NUBPL: variants seen among roughly 807,000 people sequenced by gnomAD.
The protein encoded by NUBPL is NUBP iron-sulfur cluster assembly factor, mitochondrial, also known as iron-sulfur cluster transfer protein NUBPL.
A neutral mutation model predicts 45.7 loss-of-function variants in NUBPL; 31 were observed. The observed-to-expected ratio is 0.68, with a 90% CI of 0.51 to 0.92. The LOEUF is 0.92. Ranked by LOEUF, NUBPL falls within the 40% of genes least tolerant of loss-of-function variation. The pLI, the probability that NUBPL is intolerant of heterozygous loss-of-function variation, is 0.00. For synonymous variants in NUBPL, 144 were observed against 140.9 expected (o/e 1.02, Z -0.15); for missense variants, 401 against 398.7 (o/e 1.01, Z -0.05).
chr14:31,801,845 C>G (rs968386784), intron 7 of NUBPL, among the ~76,000 whole-genome samples: 8 of 152,154 alleles, frequency 5.3e-5, no homozygotes, highest in Admixed American at 3.9e-4. Flanking sequence ...CAGGACACAG[C>G]TAGACAGTCC....
chr14:31,597,621 AT>A (rs2034318823), intron 3 of NUBPL, among the ~76,000 whole-genome samples: 1 of 152,190 alleles, frequency 6.6e-6, no homozygotes. Flanking sequence ...TAGAAGATCA[AT>A]TTGAAACTTA....
Position 31,691,590 on chromosome 14 carries a change from G to A in NUBPL, c.513+18016G>A, listed in dbSNP as rs182414492. On this transcript the variant is annotated intron_variant, in intron 6 of 10. Transcript: ENST00000281081. The stretch of plus-strand genomic sequence containing the variant: ...AGGAAGGTGGGTAATAGTCAGGTTG[G>A]GAGAAGGCAGACATAATGATGCAGT... 1.1e-3 allele frequency among the ~76,000 whole-genome samples: 166 copies of A among 152,286 alleles called. No individual in the cohort carries two copies. In the Middle Eastern group the frequency reaches 0.014, roughly 12 times the overall value.
Position 31,795,286 on chromosome 14 carries a change from G to T in NUBPL, c.607+7413G>T, listed in dbSNP as rs1285777464. 6.2e-5 allele frequency among the ~76,000 whole-genome samples: 9 copies of T among 145,974 alleles called. No individual in the cohort carries two copies. The South Asian group carries it at 1.3e-3, about 22-fold the overall frequency. On this transcript the variant is annotated intron_variant, in intron 7 of 10. Coordinates refer to ENST00000281081, the MANE Select transcript of NUBPL (RefSeq NM_025152.3). ...CTGTGAAGAAAGTCATTGGTAGCTT[G>T]ATGGGGATGGCATTGAATCTGTAAA...
rs3825743 is a variant in NUBPL, at chr14:31,858,666, G to A, written c.898-452G>A. Reference sequence around the variant, plus strand: ...GGTGCTGGTATTACACACCATTCTCGGGGAGATGAAGAAAATGCTTTCCTA... The same window carrying A: ...GGTGCTGGTATTACACACCATTCTCAGGGAGATGAAGAAAATGCTTTCCTA... On this transcript the variant is annotated intron_variant, in intron 10 of 10. Transcript: ENST00000281081. 2.3e-4 allele frequency among the ~76,000 whole-genome samples: 35 copies of A among 152,172 alleles called. No homozygotes were observed. In the East Asian group the frequency reaches 3.3e-3, roughly 14 times the overall value.
intron 6 of NUBPL, among the ~76,000 whole-genome samples, chr14:31,778,372 G>C (rs2039133532): frequency 6.6e-6 from 1 of 152,174 alleles, no homozygotes; most frequent in African/African-American, 2.4e-5. Flanking sequence ...GATGAATTCA[G>C]AACTCCAGAG....
At chr14:31,745,648 T>A (rs1425689218) in intron 6 of NUBPL, among the ~76,000 whole-genome samples, 1 of 151,984 alleles carries the variant, frequency 6.6e-6, no homozygotes, top group Non-Finnish European at 1.5e-5. Flanking sequence ...CCTGTTACTT[T>A]ACTGAGTTTG....
chr14:31,693,067 A>C (rs1403093905), intron 6 of NUBPL, among the ~76,000 whole-genome samples: 1 of 152,228 alleles, frequency 6.6e-6, no homozygotes, highest in Non-Finnish European at 1.5e-5. Context: ...AGTCAGTATA[A>C]GGAAAACATA....
intron 6 of NUBPL, among the ~76,000 whole-genome samples, chr14:31,768,610 C>A (rs1377689596): frequency 6.6e-6 from 1 of 152,166 alleles, no homozygotes; most frequent in African/African-American, 2.4e-5. Context: ...CAGGTGGAAG[C>A]AAAGGCATTT....
intron 6 of NUBPL, among the ~76,000 whole-genome samples, chr14:31,763,789 G>A (rs1183430595): frequency 6.6e-6 from 1 of 152,082 alleles, no homozygotes; most frequent in Non-Finnish European, 1.5e-5. Context: ...TTTTGCAAAA[G>A]TGTGCATTCG....
At chr14:31,592,631 A>G (rs952839121) in intron 3 of NUBPL, among the ~76,000 whole-genome samples, 1 of 152,210 alleles carries the variant, frequency 6.6e-6, no homozygotes, top group Admixed American at 6.5e-5. Flanking sequence ...AATCATTTAA[A>G]AAAGGACCTC....
chr14:31,759,990 T>G (rs2038763616), intron 6 of NUBPL, among the ~76,000 whole-genome samples: 1 of 151,410 alleles, frequency 6.6e-6, no homozygotes, highest in African/African-American at 2.4e-5. Context: ...TAGTATGGGT[T>G]TTTTGGGACA....
chr14:31,639,291 C>T (rs181806742), intron 4 of NUBPL, among the ~76,000 whole-genome samples: 21 of 152,238 alleles, frequency 1.4e-4, no homozygotes, highest in Admixed American at 1.2e-3. Context: ...TGTTAGTTTT[C>T]CTTCTAACAG....
chr14:31,831,492 C>T (rs987137682), intron 8 of NUBPL, among the ~76,000 whole-genome samples: 23 of 151,696 alleles, frequency 1.5e-4, no homozygotes, highest in African/African-American at 5.6e-4. Flanking sequence ...CCATACCATA[C>T]CATACCATAC....
intron 6 of NUBPL, among the ~76,000 whole-genome samples, chr14:31,702,862 C>G (rs1258882063): frequency 2.0e-5 from 3 of 152,176 alleles, no homozygotes; most frequent in Admixed American, 2.0e-4. Context: ...TTCTCCTAAA[C>G]CTAAACATTT....
chr14:31,634,198 A>G (rs1168326916), intron 4 of NUBPL, among the ~76,000 whole-genome samples: 1 of 149,526 alleles, frequency 6.7e-6, no homozygotes, highest in Non-Finnish European at 1.5e-5. Context: ...TTAACTCGTC[A>G]TTTAGCATTA....
At chr14:31,581,692 A>T in intron 3 of NUBPL, among the ~76,000 whole-genome samples, 1 of 152,218 alleles carries the variant, frequency 6.6e-6, no homozygotes, top group South Asian at 2.1e-4. Flanking sequence ...CACATGTTAA[A>T]TGTAAAACGC....
At chr14:31,601,487 A>T (rs1023263773) in intron 4 of NUBPL, among the ~76,000 whole-genome samples, 1 of 152,122 alleles carries the variant, frequency 6.6e-6, no homozygotes, top group African/African-American at 2.4e-5. Flanking sequence ...TGTAAGTTGG[A>T]TTCCTAGGTA....
chr14:31,611,193 C>CA (rs896034787), intron 4 of NUBPL, among the ~76,000 whole-genome samples: 2 of 152,032 alleles, frequency 1.3e-5, no homozygotes, highest in Non-Finnish European at 2.9e-5. Context: ...AAAGACTCCA[C>CA]AAAAAAACTA....
intron 6 of NUBPL, among the ~76,000 whole-genome samples, chr14:31,705,064 T>C (rs530217813): frequency 6.6e-6 from 1 of 152,282 alleles, no homozygotes; most frequent in South Asian, 2.1e-4. Flanking sequence ...TGTTTATTCC[T>C]TCCAGTGGGT....
Sources: gnomAD v4.1 joint callset for allele counts (sites outside exome capture counted in the v4.1 genomes callset) on GRCh38, gnomAD v4.1.1 for gene constraint, MANE v1.5 for transcripts, NCBI Gene and HGNC (gene_info 2026-07-23, HGNC 2026-07-21) for gene names.